MAP2K5: variants seen among roughly 807,000 people sequenced by gnomAD.
MAP2K5 encodes mitogen-activated protein kinase kinase 5.
MAP2K5 carries 49 observed loss-of-function variants against 83.1 expected under a neutral mutation model. That is an observed-to-expected ratio of 0.59 (90% confidence interval 0.47 to 0.75). MAP2K5 has a LOEUF of 0.75. Ranked by LOEUF, MAP2K5 falls within the 30% of genes least tolerant of loss-of-function variation. The pLI is 0.00. For synonymous variants in MAP2K5, 202 were observed against 191.8 expected (o/e 1.05, Z -0.44); for missense variants, 457 against 557.5 (o/e 0.82, Z 1.82).
chr15:67,550,191 C>A, intron 2 of MAP2K5, 109 bp downstream of exon 2: 1 of 747,996 alleles, frequency 1.3e-6, no homozygotes, highest in Non-Finnish European at 2.4e-6. Flanking sequence ...TATTTATGAC[C>A]ATCATATGGT....
Position 67,630,907 on chromosome 15 carries a change from G to C in MAP2K5, c.565G>C (p.Gly189Arg). 6.2e-7 allele frequency: 1 copy of C among 1,609,242 alleles called. No individual in the cohort carries two copies. The highest frequency in any genetic ancestry group is 8.5e-7 in the Non-Finnish European group (1 of 1,177,324). Residue 189 changes from glycine to arginine, a missense_variant, in exon 9 of 22, where the codon GGG becomes CGG. Around this residue, in one of 3 missense-constraint regions of MAP2K5, gnomAD observed 234 missense variants for 243.6 expected, o/e 0.96. Transcript: ENST00000178640. ...TVYKAYHVPS[G>R]KILAVKVILL... is the part of the protein sequence containing the mutation. ...CCATAGAGCATATCATGTCCCGAGT[G>C]GGAAAATATTAGCTGTAAAGGTAAG...
chr15:67,764,425 G>A lies in MAP2K5; in HGVS notation c.1135-5177G>A, dbSNP rs2090004475. On this transcript the variant is annotated intron_variant, in intron 19 of 21. Transcript: ENST00000178640. The surrounding 1 kb of genome is among the most constrained non-coding windows in gnomAD (Gnocchi z 4.9). ...CCCCATGACCCTCGTTTGTGAACTC[G>A]CGTCTGCCAGCCAAACTGAACCAAA... Among the ~76,000 whole-genome samples the A allele has an allele frequency of 2.0e-5, 3 of 152,108 alleles. No homozygotes were observed. Among genetic ancestry groups the A allele is most frequent in the African/African-American group, 4.8e-5 (2 of 41,422 alleles).
chr15:67,666,363 T>G (rs2087378903), intron 13 of MAP2K5, among the ~76,000 whole-genome samples: 1 of 152,220 alleles, frequency 6.6e-6, no homozygotes, highest in Non-Finnish European at 1.5e-5. Context: ...TTTGTATTCC[T>G]GTATCTAAAT....
chr15:67,608,104 A>C (rs1216961107), intron 8 of MAP2K5, among the ~76,000 whole-genome samples: 1 of 152,250 alleles, frequency 6.6e-6, no homozygotes, highest in African/African-American at 2.4e-5. Context: ...GGTTGTGATC[A>C]GGTAAACATT....
rs1185619371 is a variant in MAP2K5, at chr15:67,768,403, GCATTTGACA to G, written c.1135-1196_1135-1188del. Among the ~76,000 whole-genome samples, 1 of 152,102 alleles carries G rather than the reference GCATTTGACA, an allele frequency of 6.6e-6. No homozygotes were observed. The highest frequency in any genetic ancestry group is 1.5e-5 in the Non-Finnish European group (1 of 68,014). ...CGTTCTCAATAATGAATACATGCAT[GCATTTGACA>G]CAGTTGTGTGCTAGAGAAATTGTTT... On this transcript the variant is annotated intron_variant, in intron 19 of 21. Coordinates refer to ENST00000178640, the MANE Select transcript of MAP2K5 (RefSeq NM_145160.3). This position sits in a 1 kb window ranked among gnomAD's most constrained non-coding sequence, Gnocchi z 4.0.
chr15:67,607,001 G>A (rs574398349), intron 8 of MAP2K5, among the ~76,000 whole-genome samples: 2 of 152,140 alleles, frequency 1.3e-5, no homozygotes, highest in South Asian at 2.1e-4. Context: ...ACCCAGCTTC[G>A]CTTGTGGCTG....
intron 3 of MAP2K5, among the ~76,000 whole-genome samples, chr15:67,578,888 C>T (rs1015169366): frequency 6.6e-6 from 1 of 152,184 alleles, no homozygotes; most frequent in African/African-American, 2.4e-5. Context: ...TGTTTTCAAA[C>T]TTGACCCCAA....
chr15:67,753,995 A>G (rs1426976511), intron 19 of MAP2K5, among the ~76,000 whole-genome samples: 7 of 152,244 alleles, frequency 4.6e-5, no homozygotes, highest in Admixed American at 4.6e-4. Context: ...AAGTACTGAT[A>G]AATGCTGCAG....
At chr15:67,634,094 T>A (rs1475127936) in intron 9 of MAP2K5, among the ~76,000 whole-genome samples, 1 of 151,820 alleles carries the variant, frequency 6.6e-6, no homozygotes, top group Non-Finnish European at 1.5e-5. Context: ...ATAGCCTGCT[T>A]GTGCCTGTAA....
chr15:67,653,413 G>A (rs1393323305), intron 11 of MAP2K5, among the ~76,000 whole-genome samples: 3 of 151,916 alleles, frequency 2.0e-5, no homozygotes, highest in East Asian at 1.9e-4. Flanking sequence ...AGCCTCCAGA[G>A]TAGCTGGGAT....
chr15:67,726,165 G>A (rs1160859993), intron 16 of MAP2K5, among the ~76,000 whole-genome samples: 1 of 152,118 alleles, frequency 6.6e-6, no homozygotes, highest in Non-Finnish European at 1.5e-5. Flanking sequence ...TGAGTACAAG[G>A]TAATGAAACT....
At position 67,686,707 on chromosome 15, in the gene MAP2K5, C is replaced by T. The variant is rs146760004; in HGVS notation, c.848-5772C>T. Among the ~76,000 whole-genome samples the T allele has an allele frequency of 1.6e-3, 237 of 152,076 alleles. 4 individuals carry two copies. The highest frequency in any genetic ancestry group is 0.012 in the East Asian group (61 of 5,180). ...ACTAATGTATAATGACAAAACCACT[C>T]AGTGATTTACCAAAGGCTGGGGGTC... On this transcript the variant is annotated intron_variant, in intron 13 of 21. Coordinates refer to ENST00000178640, the MANE Select transcript of MAP2K5 (RefSeq NM_145160.3).
Position 67,780,534 on chromosome 15 carries a change from G to A in MAP2K5, c.1242+7782G>A, listed in dbSNP as rs185323579. ...CTAAACAGATAGACAAACAAGACAT[G>A]TATCTGGTTCTCCAGGAACTCAGAG... is the stretch of plus-strand genomic sequence containing the variant. On this transcript the variant is annotated intron_variant, in intron 21 of 21. Coordinates refer to ENST00000178640, the MANE Select transcript of MAP2K5 (RefSeq NM_145160.3). This position sits in a 1 kb window ranked among gnomAD's most constrained non-coding sequence, Gnocchi z 5.0. Among the ~76,000 whole-genome samples, 88 of 152,318 alleles carry A rather than the reference G, an allele frequency of 5.8e-4. No homozygotes were observed. Among genetic ancestry groups the A allele is most frequent in the Non-Finnish European group, 6.8e-4 (46 of 68,028 alleles).
intron 13 of MAP2K5, among the ~76,000 whole-genome samples, chr15:67,669,367 C>T (rs955867040): frequency 6.6e-6 from 1 of 151,828 alleles, no homozygotes; most frequent in Non-Finnish European, 1.5e-5. Flanking sequence ...GGGTAGGTTG[C>T]GTATTAATCA....
In MAP2K5 at chr15:67,638,514, A is replaced by G. The variant is rs1171826942; in HGVS notation, c.585+7587A>G. ...TGATTCCATGTCTTTGCTATTGCGA[A>G]TAGTGCTGCAATGACCATTTGCATG... On this transcript the variant is annotated intron_variant, in intron 9 of 21. Transcript: ENST00000178640. The surrounding 1 kb of genome is among the most constrained non-coding windows in gnomAD (Gnocchi z 4.5). 6.6e-6 allele frequency among the ~76,000 whole-genome samples: 1 copy of G among 152,174 alleles called. No homozygotes were observed. Among genetic ancestry groups the G allele is most frequent in the African/African-American group, 2.4e-5 (1 of 41,432 alleles).
chr15:67,601,471 A>G (rs1294904805), intron 8 of MAP2K5, among the ~76,000 whole-genome samples: 1 of 152,214 alleles, frequency 6.6e-6, no homozygotes, highest in East Asian at 1.9e-4. Flanking sequence ...TAAAAAATCC[A>G]TACTCTGTAA....
intron 8 of MAP2K5, chr15:67,629,149 A>G: frequency 1.4e-6 from 1 of 720,398 alleles, no homozygotes; most frequent in Non-Finnish European, 2.6e-6. Context: ...TTGCCAGGAA[A>G]CAAAGCGTAG....
chr15:67,693,724 A>G (rs1251417788), intron 15 of MAP2K5, among the ~76,000 whole-genome samples, 156 bp downstream of exon 15: 3 of 152,214 alleles, frequency 2.0e-5, no homozygotes, highest in African/African-American at 7.2e-5. Context: ...AAATCTTTCT[A>G]AAAGACATTA....
chr15:67,791,535 C>G (rs1360943339), intron 21 of MAP2K5, among the ~76,000 whole-genome samples: 1 of 152,152 alleles, frequency 6.6e-6, no homozygotes, highest in East Asian at 1.9e-4. Flanking sequence ...ATGAAAGCAC[C>G]TAGTGAGCAC....
Sources: gnomAD v4.1 joint callset for allele counts (sites outside exome capture counted in the v4.1 genomes callset) on GRCh38, gnomAD v4.1.1 for gene constraint, gnomAD v4.1.1 regional missense constraint, Gnocchi (gnomAD v3.1) non-coding constraint, MANE v1.5 for transcripts, NCBI Gene and HGNC (gene_info 2026-07-23, HGNC 2026-07-21) for gene names.